Variants in APBA2 observed in about 807,000 individuals in gnomAD.
APBA2 encodes the protein amyloid-beta A4 precursor protein-binding family A member 2.
APBA2 carries 30 observed loss-of-function variants against 75.0 expected under a neutral mutation model. That is an observed-to-expected ratio of 0.40 (90% CI 0.30 to 0.54). The LOEUF (loss-of-function observed/expected upper bound fraction) is 0.54. Ranked by LOEUF, APBA2 falls within the 20% of genes least tolerant of loss-of-function variation. The probability of loss-of-function intolerance (pLI) is 0.49; values close to 1 mark genes in which losing one functional copy is unlikely to be tolerated. For missense variants in APBA2, 801 were observed against 1,016.1 expected, an observed-to-expected ratio of 0.79 and a Z score of 2.88; for synonymous variants, 444 against 409.6, an observed-to-expected ratio of 1.08 and a Z score of -1.01.
chr15:29,105,435 C>G lies in APBA2; in HGVS notation c.1581C>G (p.Phe527Leu). 6.2e-7 allele frequency: 1 copy of G among 1,613,598 alleles called. No homozygotes were observed. Among genetic ancestry groups the G allele is most frequent in the Non-Finnish European group, 8.5e-7 (1 of 1,180,030 alleles). The change falls in exon 11 of 15, where the codon TTC becomes TTG. Residue 527 changes from phenylalanine to leucine, a missense_variant. Physicochemically the swap from Phe to Leu is conservative, Grantham distance 22. Around this residue, in one of 2 missense-constraint regions of APBA2, gnomAD observed 367 missense variants for 544.5 expected, o/e 0.67. Coordinates refer to ENST00000683413, the MANE Select transcript of APBA2 (RefSeq NM_001353788.2). ...GQAFSVAYQEFLRANGINPED... is the reference protein window; with the variant it reads ...GQAFSVAYQELLRANGINPED... ...CCTTCAGCGTGGCCTACCAGGAGTT[C>G]CTGCGAGCCAATGGCATCAACCCCG...
At chr15:29,026,282 C>T (rs1379377328) in intron 3 of APBA2, among the ~76,000 whole-genome samples, 2 of 152,208 alleles carry the variant, frequency 1.3e-5, no homozygotes, top group Non-Finnish European at 2.9e-5. Flanking sequence ...TCAGGTGCAT[C>T]TGCCATACAG....
chr15:28,911,330 C>T (rs2033416686), intron 1 of APBA2, among the ~76,000 whole-genome samples: 1 of 152,142 alleles, frequency 6.6e-6, no homozygotes, highest in Non-Finnish European at 1.5e-5. Context: ...GGGAAGAAAA[C>T]TCGGCTACCA....
At chr15:28,940,529 G>C (rs2035153550) in intron 2 of APBA2, among the ~76,000 whole-genome samples, 1 of 150,578 alleles carries the variant, frequency 6.6e-6, no homozygotes, top group South Asian at 2.1e-4. Flanking sequence ...CTCCAGCCTG[G>C]GTGACAGAGC....
In APBA2 at chr15:29,076,140, C is replaced by A. The variant is rs141169179; in HGVS notation, c.1069+49C>A. 3.0e-5 allele frequency: 47 copies of A among 1,587,328 alleles called. 2 individuals carry two copies. The South Asian group carries it at 4.4e-4, about 15-fold the overall frequency. Reference sequence around the variant, plus strand: ...CTCAAGGGGCAGTTGCATTTTACATCAAAATAAATGGTGCTTTTAGTTTGG... The same window carrying A: ...CTCAAGGGGCAGTTGCATTTTACATAAAAATAAATGGTGCTTTTAGTTTGG... On this transcript the variant is annotated intron_variant, in intron 6 of 14. Transcript: ENST00000683413.
At chr15:29,072,129 C>G (rs943838948) in intron 4 of APBA2, among the ~76,000 whole-genome samples, 1 of 152,216 alleles carries the variant, frequency 6.6e-6, no homozygotes, top group African/African-American at 2.4e-5. Flanking sequence ...CTCTGCCTGA[C>G]AAATTAAATC....
At chr15:28,964,633 G>A (rs867757539) in intron 2 of APBA2, among the ~76,000 whole-genome samples, 2 of 151,540 alleles carry the variant, frequency 1.3e-5, no homozygotes, top group East Asian at 1.9e-4. Flanking sequence ...GATTACAGGC[G>A]CCTGCCACCA....
chr15:28,893,576 G>T (rs1478466396), intron 1 of APBA2, among the ~76,000 whole-genome samples: 1 of 152,214 alleles, frequency 6.6e-6, no homozygotes, highest in East Asian at 1.9e-4. Context: ...CTGACCCACA[G>T]CTCCTAGTAG....
chr15:29,098,603 A>G (rs1458285342), intron 9 of APBA2, 27 bp downstream of exon 9: 1 of 1,581,868 alleles, frequency 6.3e-7, no homozygotes, highest in Non-Finnish European at 8.7e-7. Context: ...GTTGTTCAAA[A>G]TCAGGTAAAC....
chr15:28,972,973 C>T (rs754359372), intron 2 of APBA2, among the ~76,000 whole-genome samples: 14 of 152,198 alleles, frequency 9.2e-5, no homozygotes, highest in Non-Finnish European at 1.8e-4. Context: ...ATTTGCATTA[C>T]TTATGCTTTA....
intron 3 of APBA2, among the ~76,000 whole-genome samples, chr15:29,016,423 T>A (rs1376996439): frequency 6.6e-6 from 1 of 152,196 alleles, no homozygotes; most frequent in Non-Finnish European, 1.5e-5. Flanking sequence ...GGAAGACCCC[T>A]CACTTCCTGG....
chr15:29,071,137 C>T (rs2042603776), intron 4 of APBA2: 1 of 444,410 alleles, frequency 2.3e-6, no homozygotes, highest in Admixed American at 2.5e-5. Flanking sequence ...TCATCCAAAG[C>T]AATGTGATTA....
chr15:28,963,941 A>C (rs1595582433), intron 2 of APBA2, among the ~76,000 whole-genome samples: 1 of 152,164 alleles, frequency 6.6e-6, no homozygotes, highest in African/African-American at 2.4e-5. Context: ...GTGCAACTTC[A>C]TGTAACCACC....
At chr15:29,070,182 G>C (rs1016903407) in intron 4 of APBA2, among the ~76,000 whole-genome samples, 1 of 152,198 alleles carries the variant, frequency 6.6e-6, no homozygotes, top group Non-Finnish European at 1.5e-5. Flanking sequence ...ACAACATTAT[G>C]AATTTAATAA....
intron 3 of APBA2, among the ~76,000 whole-genome samples, chr15:29,007,896 A>G (rs1416979510): frequency 6.6e-6 from 1 of 152,242 alleles, no homozygotes; most frequent in African/African-American, 2.4e-5. Context: ...CAAGGGAAGT[A>G]AAAGCAGGGG....
intron 3 of APBA2, among the ~76,000 whole-genome samples, chr15:29,001,450 G>A (rs1174723478): frequency 6.6e-6 from 1 of 152,122 alleles, no homozygotes; most frequent in African/African-American, 2.4e-5. Flanking sequence ...GCCTCAAGTG[G>A]TCCTCCCACG....
chr15:29,076,018 A>G (rs2279498), intron 5 of APBA2, 37 bp from the exon 6 acceptor site: 218,963 of 1,605,506 alleles, frequency 0.14, 15,450 homozygotes, highest in African/African-American at 0.16. Context: ...CTACTTAACA[A>G]TTGTTATGTG....
intron 3 of APBA2, among the ~76,000 whole-genome samples, chr15:28,998,363 G>A (rs568462516): frequency 6.6e-6 from 1 of 151,920 alleles, no homozygotes; most frequent in African/African-American, 2.4e-5. Flanking sequence ...TTTAAATCAC[G>A]GCAAGTCTCA....
chr15:29,117,270 C>T lies in APBA2; in HGVS notation c.*137C>T. ...GCTGGCTCCCCAAAGGGTGTGCCCT[C>T]ACCACCCACTTGATTTTTTTCATTT... On this transcript the variant is annotated 3_prime_UTR_variant, in exon 15 of 15. Transcript: ENST00000683413. The T allele has an allele frequency of 5.4e-6, 4 of 740,706 alleles. No homozygotes were observed. Among genetic ancestry groups the T allele is most frequent in the South Asian group, 4.6e-5 (3 of 64,614 alleles). 45.9% of individuals were successfully genotyped at this position (740,706 alleles called of 1,614,324 possible).
rs1011504534 is a variant in APBA2 at position 28,963,284 on chromosome 15, A to T, written c.-94-32469A>T. The stretch of plus-strand genomic sequence containing the variant: ...CCCTTCTGTTGGAGATGTTTCTGTT[A>T]ACTCAGGTGCTTTAGGAATGGAAAG... On this transcript the variant is annotated intron_variant, in intron 2 of 14. Transcript: ENST00000683413. 3.3e-5 allele frequency among the ~76,000 whole-genome samples: 5 copies of T among 152,186 alleles called. 1 individual carries two copies. Among genetic ancestry groups the T allele is most frequent in the African/African-American group, 9.7e-5 (4 of 41,442 alleles).
Sources: gnomAD v4.1 joint callset for allele counts (sites outside exome capture counted in the v4.1 genomes callset) on GRCh38, gnomAD v4.1.1 for gene constraint, gnomAD v4.1.1 regional missense constraint, MANE v1.5 for transcripts, NCBI Gene and HGNC (gene_info 2026-07-23, HGNC 2026-07-21) for gene names.